The following TRPM3 variants were observed in gnomAD, a reference collection of about 807,000 sequenced individuals.
The protein encoded by TRPM3 is transient receptor potential cation channel subfamily M member 3.
Under a neutral mutation model 181.2 loss-of-function variants are expected in TRPM3, and 77 were observed. The observed-to-expected ratio is 0.42, with a 90% confidence interval of 0.35 to 0.51. The LOEUF is 0.51. Ranked by LOEUF, TRPM3 falls within the 20% of genes least tolerant of loss-of-function variation. TRPM3 has a pLI of 0.01. For synonymous variants in TRPM3, 745 were observed against 796.4 expected, an observed-to-expected ratio of 0.94 and a Z score of 1.09; for missense variants, 1,759 against 2,196.7, an observed-to-expected ratio of 0.80 and a Z score of 3.98.
chr9:71,012,030 G>T (rs375346315), intron 1 of TRPM3, among the ~76,000 whole-genome samples: 7 of 152,000 alleles, frequency 4.6e-5, no homozygotes, highest in Non-Finnish European at 1.0e-4. Context: ...CGATCTGCCC[G>T]CATTGGCCTC....
intron 1 of TRPM3, among the ~76,000 whole-genome samples, chr9:71,195,916 A>G (rs574481931): frequency 5.9e-5 from 9 of 152,112 alleles, no homozygotes; most frequent in African/African-American, 1.9e-4. Context: ...ATTAGAACAC[A>G]TGGACCCAAA....
At chr9:70,570,784 C>A (rs144280501) in intron 22 of TRPM3, among the ~76,000 whole-genome samples, 190 of 152,090 alleles carry the variant, frequency 1.2e-3, no homozygotes, top group Middle Eastern at 3.4e-3. Flanking sequence ...GAATGGCCAC[C>A]GAATCATTTG....
intron 1 of TRPM3, among the ~76,000 whole-genome samples, chr9:70,919,056 AGGTGTC>A (rs1433700482): frequency 6.6e-6 from 1 of 152,096 alleles, no homozygotes; most frequent in Non-Finnish European, 1.5e-5. Context: ...ATCCTAATAG[AGGTGTC>A]TGTGCCCCTC....
At position 71,121,348 on chromosome 9, in the gene TRPM3, C is replaced by G. The variant is rs180792657; in HGVS notation, c.7G>C (p.Glu3Gln). ...AGAAAATAAACGGTCCCCCACGGCT[C>G]TGGCATCCCATGGTCATCTCCACAC... is the stretch of plus-strand genomic sequence containing the variant. Reference protein sequence around the residue: MPEPWGTVYFLGI... With the variant: MPQPWGTVYFLGI... Residue 3 changes from glutamate (E) to glutamine (Q), a missense_variant, in exon 1 of 26, where the codon GAG becomes CAG. Physicochemically the swap from Glu to Gln is conservative, Grantham distance 29 (BLOSUM62 2). Transcript: ENST00000677713. The G allele has an allele frequency of 1.2e-6, 2 of 1,613,726 alleles. No individual in the cohort carries two copies. Among genetic ancestry groups the G allele is most frequent in the African/African-American group, 2.7e-5 (2 of 75,028 alleles).
At chr9:70,621,311 T>C (rs1277317020) in intron 14 of TRPM3, 38 bp from the exon 15 acceptor site, 1 of 1,553,702 alleles carries the variant, frequency 6.4e-7, no homozygotes, top group Non-Finnish European at 8.8e-7. Context: ...TTAGATCAGT[T>C]AGATCTTTCT....
chr9:71,120,474 CAG>C (rs1452916607), intron 1 of TRPM3, among the ~76,000 whole-genome samples: 1 of 152,184 alleles, frequency 6.6e-6, no homozygotes, highest in Non-Finnish European at 1.5e-5. Context: ...AGAAGCGCTG[CAG>C]ACACACGGTG....
rs199616946 is a variant in TRPM3 at position 70,598,391 on chromosome 9, T to C, written c.3048+28A>G. ...TCACCATTCCTCCTCTGAAAACTTATAACATGGAATCAGAAGACCCTGCTT... is the reference window on the plus strand; with the variant it reads ...TCACCATTCCTCCTCTGAAAACTTACAACATGGAATCAGAAGACCCTGCTT... On this transcript the variant is annotated intron_variant, in intron 21 of 25. Transcript: ENST00000677713. 2.9e-4 allele frequency: 459 copies of C among 1,607,792 alleles called. 3 individuals are homozygous for C. The highest frequency in any genetic ancestry group is 6.9e-5 in the Non-Finnish European group (81 of 1,175,490).
intron 1 of TRPM3, among the ~76,000 whole-genome samples, chr9:71,341,214 C>T (rs887329574): frequency 1.3e-5 from 2 of 152,126 alleles, no homozygotes; most frequent in Admixed American, 6.5e-5. Context: ...CAGGCAATAT[C>T]CACTGATGAG....
chr9:70,565,819 C>T (rs1263046730), intron 22 of TRPM3, among the ~76,000 whole-genome samples: 2 of 152,156 alleles, frequency 1.3e-5, no homozygotes, highest in Admixed American at 1.3e-4. Flanking sequence ...TTAGATCTGG[C>T]ATTTTGCCAT....
At chr9:71,277,483 G>A (rs2084310249) in intron 1 of TRPM3, among the ~76,000 whole-genome samples, 1 of 152,058 alleles carries the variant, frequency 6.6e-6, no homozygotes, top group Non-Finnish European at 1.5e-5. Context: ...AAGGCAACAG[G>A]TATCAGTTGA....
At chr9:71,417,714 T>C (rs1565553109) in intron 1 of TRPM3, among the ~76,000 whole-genome samples, 1 of 152,018 alleles carries the variant, frequency 6.6e-6, no homozygotes, top group Non-Finnish European at 1.5e-5. Context: ...TGGGTTCTTT[T>C]ATTATTTCAC....
intron 1 of TRPM3, among the ~76,000 whole-genome samples, chr9:71,073,840 C>T (rs1015369309): frequency 6.6e-6 from 1 of 152,020 alleles, no homozygotes; most frequent in Non-Finnish European, 1.5e-5. Flanking sequence ...TACAGTGGTA[C>T]AAAGGCATTT....
rs78407907 is a variant in TRPM3 at position 71,024,750 on chromosome 9, T to C, written c.177+96428A>G. The stretch of plus-strand genomic sequence containing the variant: ...CAGTCAGTCTTAGCCAACTGTATTA[T>C]CTGCCAGCAGCTCATTTATCAGAGA... On this transcript the variant is annotated intron_variant, in intron 1 of 25. Transcript: ENST00000677713. Among the ~76,000 whole-genome samples the C allele has an allele frequency of 5.2e-3, 790 of 152,344 alleles. 7 individuals are homozygous for C. Among genetic ancestry groups the C allele is most frequent in the African/African-American group, 0.018 (744 of 41,576 alleles).
At chr9:71,362,517 G>A (rs770324743) in intron 1 of TRPM3, among the ~76,000 whole-genome samples, 6 of 152,110 alleles carry the variant, frequency 3.9e-5, no homozygotes, top group Non-Finnish European at 5.9e-5. Context: ...AAAGTACACT[G>A]TTACTATTAT....
intron 14 of TRPM3, among the ~76,000 whole-genome samples, chr9:70,624,849 T>C (rs1201668892): frequency 2.6e-5 from 4 of 152,230 alleles, no homozygotes; most frequent in African/African-American, 7.2e-5. Flanking sequence ...TATAATGGGA[T>C]TCCTATGTTT....
At chr9:70,921,194 C>A (rs2096649902) in intron 1 of TRPM3, among the ~76,000 whole-genome samples, 1 of 152,186 alleles carries the variant, frequency 6.6e-6, no homozygotes, top group Admixed American at 6.5e-5. Context: ...TCTCTCCCTT[C>A]CAGTTTTACC....
At chr9:70,948,217 T>C (rs868561973) in intron 1 of TRPM3, among the ~76,000 whole-genome samples, 28 of 152,074 alleles carry the variant, frequency 1.8e-4, no homozygotes, top group African/African-American at 6.5e-4. Context: ...TATGTTTCAA[T>C]CATGCAGTTT....
At chr9:70,978,991 G>T (rs969769920) in intron 1 of TRPM3, among the ~76,000 whole-genome samples, 4 of 152,212 alleles carry the variant, frequency 2.6e-5, no homozygotes, top group Admixed American at 2.6e-4. Flanking sequence ...GAGTGTTACT[G>T]CCCTGGAAGA....
chr9:71,220,590 C>T (rs1423458138), intron 1 of TRPM3, among the ~76,000 whole-genome samples: 1 of 152,086 alleles, frequency 6.6e-6, no homozygotes, highest in Non-Finnish European at 1.5e-5. Context: ...AAAAAAAAGA[C>T]TATGTGTAAA....
Sources: allele counts gnomAD v4.1 joint callset (sites outside exome capture counted in the v4.1 genomes callset), GRCh38; gene constraint gnomAD v4.1.1; transcripts MANE v1.5; gene names NCBI Gene and HGNC (gene_info 2026-07-23, HGNC 2026-07-21).